The following OR1L8 variants were observed in gnomAD, a reference collection of about 807,000 sequenced individuals.
OR1L8 encodes the protein olfactory receptor 1L8.
For synonymous variants in OR1L8, 148 were observed against 147.0 expected (o/e 1.01, Z -0.05); for missense variants, 330 against 377.4 (o/e 0.87, Z 1.04).
chr9:122,552,734 C>G, the OR1L8 span, among the ~76,000 whole-genome samples: 3,434 of 145,686 alleles, frequency 0.024, 119 homozygotes, highest in African/African-American at 0.081. Context: ...TTTCAGCCCC[C>G]ACAAAGAGGG....
At chr9:122,563,808 T>G (rs1829388142), downstream of OR1L8, among the ~76,000 whole-genome samples, 1 of 152,230 alleles carries the variant, frequency 6.6e-6, no homozygotes, top group African/African-American at 2.4e-5. Context: ...GAGATAGAGA[T>G]CTAGTTATTC....
downstream of OR1L8, among the ~76,000 whole-genome samples, chr9:122,564,422 G>C (rs1297514200): frequency 3.9e-5 from 6 of 152,164 alleles, no homozygotes; most frequent in Non-Finnish European, 8.8e-5. Context: ...ATTATGATGG[G>C]AAAGGCCAAA....
intron 2 of OR1L8, among the ~76,000 whole-genome samples, chr9:122,577,147 A>T (rs7866689): frequency 0.036 from 5,509 of 152,292 alleles, 296 homozygotes; most frequent in East Asian, 0.26. Context: ...TGTGTTATAA[A>T]CATTAAAAAT....
At chr9:122,579,296 G>C (rs11792391) in intron 1 of OR1L8, among the ~76,000 whole-genome samples, 1 of 151,602 alleles carries the variant, frequency 6.6e-6, no homozygotes, top group East Asian at 1.9e-4. Context: ...TTTTAATTGA[G>C]TTATATTTAA....
In OR1L8 at chr9:122,567,837, C is replaced by A. The variant is rs377120372; in HGVS notation, c.641G>T (p.Cys214Phe). Residue 214 changes from cysteine (C) to phenylalanine (F), a missense_variant, in exon 5 of 5, where the codon TGC becomes TTC. Coordinates refer to ENST00000641027, the MANE Select transcript of OR1L8 (RefSeq NM_001004454.2). Reference sequence around the variant, plus strand: ...GATTCGTATATAAGAGAAAGCAATGCAGAGAAAACGAGTCACCAAAACAAT... The same window carrying A: ...GATTCGTATATAAGAGAAAGCAATGAAGAGAAAACGAGTCACCAAAACAAT... ...APIVLVTRFL[C>F]IAFSYIRILT... 17 of 1,613,892 alleles carry A rather than the reference C, an allele frequency of 1.1e-5. No individual in the cohort carries two copies. Among genetic ancestry groups the A allele is most frequent in the Admixed American group, 1.7e-5 (1 of 59,980 alleles).
At chr9:122,554,927 GATAA>G in the OR1L8 span, among the ~76,000 whole-genome samples, 5 of 152,006 alleles carry the variant, frequency 3.3e-5, no homozygotes, top group Admixed American at 3.3e-4. Context: ...AATCAAAAAT[GATAA>G]ATCAAGCATG....
downstream of OR1L8, among the ~76,000 whole-genome samples, chr9:122,564,682 G>A (rs1392153755): frequency 3.9e-5 from 6 of 152,214 alleles, no homozygotes; most frequent in Non-Finnish European, 5.9e-5. Flanking sequence ...TGTACCAGAT[G>A]TGGTTTCACT....
chr9:122,552,507 GGA>G, the OR1L8 span, among the ~76,000 whole-genome samples: 1 of 152,130 alleles, frequency 6.6e-6, no homozygotes, highest in Non-Finnish European at 1.5e-5. Flanking sequence ...GTGATGGAAG[GGA>G]GAGAGTGGCT....
the OR1L8 span, among the ~76,000 whole-genome samples, chr9:122,548,328 T>C: frequency 6.6e-6 from 1 of 152,138 alleles, no homozygotes; most frequent in South Asian, 2.1e-4. Flanking sequence ...TTTATATACA[T>C]TTCCCTTAAT....
At chr9:122,561,649 A>G in the OR1L8 span, among the ~76,000 whole-genome samples, 88,276 of 151,600 alleles carry the variant, frequency 0.58, 26,176 homozygotes, top group East Asian at 0.97. Context: ...CATCTGGTTC[A>G]CTCCTGCACC....
At chr9:122,546,354 A>G in the OR1L8 span, among the ~76,000 whole-genome samples, 1 of 152,182 alleles carries the variant, frequency 6.6e-6, no homozygotes, top group African/African-American at 2.4e-5. Flanking sequence ...TGTTTGACCA[A>G]TAGAAGGCAG....
At chr9:122,562,998 T>A (rs1588211841), downstream of OR1L8, among the ~76,000 whole-genome samples, 4 of 152,292 alleles carry the variant, frequency 2.6e-5, no homozygotes, top group South Asian at 8.3e-4. Flanking sequence ...CAGATGACTC[T>A]TTGACGTACT....
At chr9:122,554,668 C>T in the OR1L8 span, among the ~76,000 whole-genome samples, 1 of 152,060 alleles carries the variant, frequency 6.6e-6, no homozygotes, top group Non-Finnish European at 1.5e-5. Context: ...TCTATTTTAC[C>T]ACTTTGTGAG....
the OR1L8 span, among the ~76,000 whole-genome samples, chr9:122,556,776 A>G: frequency 6.6e-6 from 1 of 152,164 alleles, no homozygotes; most frequent in Non-Finnish European, 1.5e-5. Context: ...CATTTTGTTG[A>G]TATCCACAAA....
the OR1L8 span, among the ~76,000 whole-genome samples, chr9:122,547,060 T>C: frequency 3.9e-5 from 6 of 152,112 alleles, no homozygotes; most frequent in Middle Eastern, 6.8e-3. Flanking sequence ...TGCTATTAGC[T>C]GTAATCAAAA....
chr9:122,567,062 AAAAT>A (rs1453950124), downstream of OR1L8: 8 of 152,428 alleles, frequency 5.2e-5, no homozygotes, highest in East Asian at 1.5e-3. Flanking sequence ...TAGAAGGAGA[AAAAT>A]AAAAAATTAT....
the OR1L8 span, chr9:122,554,250 T>C: frequency 1.9e-6 from 2 of 1,034,490 alleles, no homozygotes; most frequent in African/African-American, 3.2e-5. Context: ...CATGTTGATA[T>C]TAGGGGAAGG....
intron 1 of OR1L8, among the ~76,000 whole-genome samples, chr9:122,580,236 G>A (rs1034804342): frequency 2.6e-5 from 4 of 152,078 alleles, no homozygotes; most frequent in Admixed American, 6.5e-5. Context: ...CACCTTCCAC[G>A]TCATTTCAAT....
rs1480969492 is a variant in OR1L8, at chr9:122,583,301, G to A, written c.-600+20C>T. The A allele has an allele frequency of 6.6e-6, 1 of 150,962 alleles. No individual in the cohort carries two copies. The highest frequency in any genetic ancestry group is 6.6e-5 in the Admixed American group (1 of 15,098). The allele number at this position is 150,962 out of a possible 1,614,324, so 9.4% of individuals were successfully genotyped here. On this transcript the variant is annotated intron_variant, in intron 1 of 4. Transcript: ENST00000641027. ...GGGTCATCAAACAAAAAAAAAAACA[G>A]TAAAATATGAGAAACTCACAGTCAA...
Sources: allele counts gnomAD v4.1 joint callset (sites outside exome capture counted in the v4.1 genomes callset), GRCh38; gene constraint gnomAD v4.1.1; transcripts MANE v1.5; gene names NCBI Gene and HGNC (gene_info 2026-07-23, HGNC 2026-07-21).